MACF1: variants seen among roughly 807,000 people sequenced by gnomAD.
MACF1 encodes the protein microtubule-actin cross-linking factor 1.
Under a neutral mutation model 854.8 loss-of-function variants are expected in MACF1, and 193 were observed. The observed-to-expected ratio is 0.23, with a 90% CI of 0.20 to 0.25. The LOEUF (loss-of-function observed/expected upper bound fraction) is 0.25. Among genes scored for constraint, MACF1 ranks in the 10% least tolerant of loss-of-function variants. MACF1 has a pLI of 1.00. For synonymous variants in MACF1, 3,185 were observed against 3,226.7 expected, an observed-to-expected ratio of 0.99 and a Z score of 0.44; for missense variants, 7,722 against 8,929.1, an observed-to-expected ratio of 0.86 and a Z score of 5.45.
intron 58 of MACF1, among the ~76,000 whole-genome samples, chr1:39,421,135 G>T (rs547224624): frequency 1.3e-5 from 2 of 152,284 alleles, no homozygotes; most frequent in East Asian, 3.9e-4. Context: ...AAAGTGCTGG[G>T]ATTACAGGCG....
chr1:39,306,347 C>T (rs972095668), intron 23 of MACF1, among the ~76,000 whole-genome samples: 2 of 151,636 alleles, frequency 1.3e-5, no homozygotes, highest in African/African-American at 4.8e-5. Context: ...AGGCTGGTCT[C>T]GAACTCCTGA....
chr1:39,187,469 C>T lies in MACF1; in HGVS notation c.221-43713C>T, dbSNP rs538651808. 6.1e-4 allele frequency among the ~76,000 whole-genome samples: 93 copies of T among 152,228 alleles called. 1 individual carries two copies. Among genetic ancestry groups the T allele is most frequent in the African/African-American group, 2.1e-3 (89 of 41,536 alleles). Reference sequence around the variant, plus strand: ...CCTGGCACTTCCCTTCACTATCATACGGGGAAATTCCCTCACCTGTCTTCC... The same window carrying T: ...CCTGGCACTTCCCTTCACTATCATATGGGGAAATTCCCTCACCTGTCTTCC... On this transcript the variant is annotated intron_variant, in intron 2 of 93. Transcript: ENST00000361689.
chr1:39,456,169 A>G (rs1232155885), intron 89 of MACF1, among the ~76,000 whole-genome samples: 1 of 152,214 alleles, frequency 6.6e-6, no homozygotes, highest in Non-Finnish European at 1.5e-5. Context: ...CCCTATCTCT[A>G]CTAAAAATAT....
intron 22 of MACF1, among the ~76,000 whole-genome samples, chr1:39,300,977 G>A (rs12025847): frequency 0.6 from 90,882 of 151,942 alleles, 29,241 homozygotes; most frequent in South Asian, 0.78. Context: ...AGCCAAGATC[G>A]CACTGTTTGC....
intron 70 of MACF1, 71 bp downstream of exon 70, chr1:39,435,832 A>G (rs1643961070): frequency 1.4e-6 from 2 of 1,383,886 alleles, no homozygotes; most frequent in Non-Finnish European, 1.0e-6. Context: ...TGTATCAGGT[A>G]TGTCTCTGTG....
At chr1:39,116,813 T>G (rs1290179689) in intron 2 of MACF1, among the ~76,000 whole-genome samples, 8 of 152,230 alleles carry the variant, frequency 5.3e-5, no homozygotes, top group African/African-American at 1.9e-4. Flanking sequence ...CTTGTGGTCT[T>G]TAATCCCCAT....
chr1:39,236,685 T>C (rs1644862834), intron 2 of MACF1, among the ~76,000 whole-genome samples: 1 of 152,114 alleles, frequency 6.6e-6, no homozygotes, highest in Non-Finnish European at 1.5e-5. Context: ...TTTTTGGAGA[T>C]GGAGTCTTGC....
chr1:39,237,388 A>G (rs1389534351), intron 2 of MACF1, among the ~76,000 whole-genome samples: 2 of 152,218 alleles, frequency 1.3e-5, no homozygotes, highest in South Asian at 4.1e-4. Flanking sequence ...GAGGACTGGG[A>G]TTGTATTATG....
chr1:39,470,477 C>CA (rs1005447943), intron 97 of MACF1, among the ~76,000 whole-genome samples: 6 of 151,246 alleles, frequency 4.0e-5, no homozygotes, highest in East Asian at 1.9e-4. Flanking sequence ...CCCATCTCCA[C>CA]AAAAAAAAAT....
At chr1:39,445,844 T>TA (rs1557659141) in intron 80 of MACF1, among the ~76,000 whole-genome samples, 1 of 152,122 alleles carries the variant, frequency 6.6e-6, no homozygotes, top group Non-Finnish European at 1.5e-5. Flanking sequence ...CCTGTAGTCC[T>TA]AGCTACTTGG....
chr1:39,265,979 G>T (rs1380705103), intron 6 of MACF1, among the ~76,000 whole-genome samples: 2 of 152,110 alleles, frequency 1.3e-5, no homozygotes, highest in Non-Finnish European at 2.9e-5. Flanking sequence ...AAACTAGTTA[G>T]GTTACTTAAC....
chr1:39,125,107 TAAAC>T (rs1353290895), intron 2 of MACF1, among the ~76,000 whole-genome samples: 1 of 151,732 alleles, frequency 6.6e-6, no homozygotes, highest in African/African-American at 2.4e-5. Context: ...CAAAAGCAAT[TAAAC>T]AAAAAAAGAC....
intron 2 of MACF1, among the ~76,000 whole-genome samples, chr1:39,231,673 A>C (rs958704120): frequency 6.6e-6 from 1 of 151,498 alleles, no homozygotes; most frequent in Non-Finnish European, 1.5e-5. Flanking sequence ...AGCTTTATAC[A>C]TTGCTTTATA....
intron 92 of MACF1, 30 bp from the exon 93 acceptor site, chr1:39,461,853 A>G (rs371959707): frequency 7.0e-5 from 107 of 1,531,764 alleles, no homozygotes; most frequent in Non-Finnish European, 8.5e-5. Context: ...ACCCCTCTTA[A>G]TGTTTCAAAA....
At chr1:39,126,449 C>A (rs937739595) in intron 2 of MACF1, among the ~76,000 whole-genome samples, 8 of 152,040 alleles carry the variant, frequency 5.3e-5, no homozygotes, top group Non-Finnish European at 2.9e-5. Flanking sequence ...ATTCACAGTC[C>A]CTGGGGTTAG....
At chr1:39,484,047 G>T (rs1416023486) in intron 99 of MACF1, among the ~76,000 whole-genome samples, 1 of 152,162 alleles carries the variant, frequency 6.6e-6, no homozygotes, top group Non-Finnish European at 1.5e-5. Context: ...CAGCTACTTC[G>T]GAGGCTGAGG....
intron 2 of MACF1, among the ~76,000 whole-genome samples, chr1:39,092,759 A>C (rs1179063015): frequency 6.7e-6 from 1 of 149,534 alleles, no homozygotes; most frequent in Non-Finnish European, 1.5e-5. Flanking sequence ...TGGAAAAAAC[A>C]CAGTTCCTGT....
intron 50 of MACF1, 127 bp downstream of exon 50, chr1:39,368,441 G>GAATTTTA: frequency 1.0e-6 from 1 of 963,030 alleles, no homozygotes; most frequent in South Asian, 2.0e-5. Flanking sequence ...CTGAGTTGTA[G>GAATTTTA]GAGGGTGAAA....
intron 2 of MACF1, among the ~76,000 whole-genome samples, chr1:39,124,398 A>G (rs1642808793): frequency 6.6e-6 from 1 of 152,152 alleles, no homozygotes; most frequent in Non-Finnish European, 1.5e-5. Flanking sequence ...TCTATTTCAT[A>G]GGGTTGTGGG....
Sources: gnomAD v4.1 joint callset for allele counts (sites outside exome capture counted in the v4.1 genomes callset) on GRCh38, gnomAD v4.1.1 for gene constraint, MANE v1.5 for transcripts, NCBI Gene and HGNC (gene_info 2026-07-23, HGNC 2026-07-21) for gene names.